SEMA4D: variants seen among roughly 807,000 people sequenced by gnomAD.
SEMA4D encodes the protein semaphorin 4D, also known as semaphorin-4D.
SEMA4D carries 22 observed loss-of-function variants against 74.8 expected under a neutral mutation model. The ratio of observed to expected loss-of-function variants is 0.29; its 90% CI spans 0.21 to 0.42. The LOEUF (loss-of-function observed/expected upper bound fraction) is 0.42, where lower values mean the gene tolerates loss of function less well. SEMA4D is among the 10% of genes least tolerant of loss of function. The pLI is 1.00. For synonymous variants in SEMA4D, 445 were observed against 463.7 expected, an observed-to-expected ratio of 0.96 and a Z score of 0.52; for missense variants, 937 against 1,118.4, an observed-to-expected ratio of 0.84 and a Z score of 2.31.
intron 1 of SEMA4D, among the ~76,000 whole-genome samples, chr9:89,471,421 ATTGTAT>A (rs1216651891): frequency 2.6e-5 from 4 of 152,250 alleles, no homozygotes; most frequent in Non-Finnish European, 5.9e-5. Context: ...GATTTAGAAA[ATTGTAT>A]TTGTATAAAA....
chr9:89,386,063 G>C, intron 13 of SEMA4D: 1 of 985,448 alleles, frequency 1.0e-6, no homozygotes, highest in Non-Finnish European at 1.2e-6. Flanking sequence ...GCATAAAAAG[G>C]TGTCTTCATG....
intron 1 of SEMA4D, among the ~76,000 whole-genome samples, chr9:89,466,251 A>C (rs954720512): frequency 2.6e-5 from 4 of 152,196 alleles, no homozygotes; most frequent in African/African-American, 9.7e-5. Context: ...TGACTTGTAC[A>C]AAAAATAGGG....
At chr9:89,450,141 A>T (rs1181499244) in intron 2 of SEMA4D, 2 of 1,273,774 alleles carry the variant, frequency 1.6e-6, no homozygotes, top group African/African-American at 3.0e-5. Context: ...GCAGCATGTC[A>T]TCGATGGAGA....
chr9:89,459,706 G>T (rs1008183664), intron 1 of SEMA4D, among the ~76,000 whole-genome samples: 11 of 152,208 alleles, frequency 7.2e-5, no homozygotes, highest in Admixed American at 2.0e-4. Flanking sequence ...TGTGTGGCAG[G>T]CACCTTCCTT....
intron 1 of SEMA4D, among the ~76,000 whole-genome samples, chr9:89,491,778 C>T (rs962836786): frequency 1.3e-5 from 2 of 152,158 alleles, no homozygotes; most frequent in Non-Finnish European, 2.9e-5. Flanking sequence ...CATCCCTGCC[C>T]GGCCTGGAGA....
rs141795437 is a variant in SEMA4D at position 89,473,310 on chromosome 9, G to A, written c.-309-17357C>T. 3.0e-3 allele frequency among the ~76,000 whole-genome samples: 457 copies of A among 152,246 alleles called. 2 individuals are homozygous for A. Among genetic ancestry groups the A allele is most frequent in the African/African-American group, 0.01 (432 of 41,536 alleles). On this transcript the variant is annotated intron_variant, in intron 1 of 15. Transcript: ENST00000422704. ...GGAGCAAAGGCTGGGCACAGGGTCT[G>A]ACGCCTGTAATCCCAGCACTTTAGG... is the stretch of plus-strand genomic sequence containing the variant.
chr9:89,391,875 T>G (rs1323878414), intron 8 of SEMA4D, among the ~76,000 whole-genome samples: 2 of 152,246 alleles, frequency 1.3e-5, no homozygotes, highest in African/African-American at 2.4e-5. Context: ...TCTTGGGATC[T>G]GCCCTAAGGT....
rs147261092 is a variant in SEMA4D at position 89,455,722 on chromosome 9, G to A, written c.-244+166C>T. 2.3e-3 allele frequency among the ~76,000 whole-genome samples: 349 copies of A among 152,340 alleles called. 1 individual carries two copies. Among genetic ancestry groups the A allele is most frequent in the African/African-American group, 8.1e-3 (336 of 41,578 alleles). ...CCAGGCAGAACCACCTGAGCTTTCA[G>A]AGACAGGCCTTCCTCCCTCACTTTC... On this transcript the variant is annotated intron_variant, in intron 2 of 15. Transcript: ENST00000422704.
At chr9:89,397,936 G>T (rs1335006048) in intron 5 of SEMA4D, among the ~76,000 whole-genome samples, 1 of 152,136 alleles carries the variant, frequency 6.6e-6, no homozygotes, top group Admixed American at 6.5e-5. Flanking sequence ...TCGGCCCAGG[G>T]CTCCCTGAAT....
intron 13 of SEMA4D, chr9:89,385,287 A>G (rs574422639): frequency 1.5e-4 from 143 of 985,310 alleles, no homozygotes; most frequent in Middle Eastern, 5.2e-4. Flanking sequence ...TGTCCACACC[A>G]GGGGCCCAAT....
chr9:89,481,485 G>A (rs1172656489), intron 1 of SEMA4D, among the ~76,000 whole-genome samples: 1 of 152,220 alleles, frequency 6.6e-6, no homozygotes, highest in Non-Finnish European at 1.5e-5. Flanking sequence ...TGTCCTGAAA[G>A]GACAATAAAA....
intron 1 of SEMA4D, among the ~76,000 whole-genome samples, chr9:89,461,700 C>CTCTCTCTTTTT (rs71281350): frequency 6.8e-5 from 7 of 103,646 alleles, no homozygotes; most frequent in East Asian, 7.3e-4. Flanking sequence ...TCTTTTTTCT[C>CTCTCTCTTTTT]TTTTTTTTTT....
exon 19 of SEMA4D, chr9:89,361,449 C>A (rs1187542486): frequency 6.6e-6 from 1 of 152,170 alleles, no homozygotes; most frequent in African/African-American, 2.4e-5. Flanking sequence ...TGAAAACTGT[C>A]ATTCAACAGA....
At chr9:89,398,175 C>A (rs1841410069) in intron 5 of SEMA4D, among the ~76,000 whole-genome samples, 1 of 152,106 alleles carries the variant, frequency 6.6e-6, no homozygotes, top group African/African-American at 2.4e-5. Context: ...CATCTTTTTA[C>A]AATCAGATGT....
At chr9:89,444,257 C>T (rs1211056748) in intron 2 of SEMA4D, among the ~76,000 whole-genome samples, 1 of 152,190 alleles carries the variant, frequency 6.6e-6, no homozygotes, top group East Asian at 1.9e-4. Flanking sequence ...CCCTCTAGCA[C>T]AGCTACAGTG....
chr9:89,465,750 G>A (rs781584587), intron 1 of SEMA4D, among the ~76,000 whole-genome samples: 1 of 152,240 alleles, frequency 6.6e-6, no homozygotes, highest in Non-Finnish European at 1.5e-5. Flanking sequence ...TGCACGTCTA[G>A]GGACAAGGAT....
At chr9:89,441,902 G>A (rs1851750398) in intron 2 of SEMA4D, among the ~76,000 whole-genome samples, 2 of 152,192 alleles carry the variant, frequency 1.3e-5, no homozygotes, top group African/African-American at 4.8e-5. Flanking sequence ...CTGGCAAGAG[G>A]GGCTCATGGC....
intron 2 of SEMA4D, among the ~76,000 whole-genome samples, chr9:89,441,061 C>G (rs1404112491): frequency 6.6e-6 from 1 of 152,252 alleles, no homozygotes; most frequent in South Asian, 2.1e-4. Context: ...AAGCCACTCT[C>G]CTGGGCAAGC....
chr9:89,398,710 G>A (rs1162668957), intron 5 of SEMA4D, among the ~76,000 whole-genome samples: 1 of 152,186 alleles, frequency 6.6e-6, no homozygotes, highest in Non-Finnish European at 1.5e-5. Flanking sequence ...ACCCCAACCT[G>A]GGTGCCACCC....
Sources: gnomAD v4.1 joint callset for allele counts (sites outside exome capture counted in the v4.1 genomes callset) on GRCh38, gnomAD v4.1.1 for gene constraint, MANE v1.5 for transcripts, NCBI Gene and HGNC (gene_info 2026-07-23, HGNC 2026-07-21) for gene names.